CDH13: variants seen among roughly 807,000 people sequenced by gnomAD.
The protein encoded by CDH13 is cadherin-13.
Under a neutral mutation model 63.8 loss-of-function variants are expected in CDH13, and 24 were observed. That is an observed-to-expected ratio of 0.38 (90% CI 0.27 to 0.53). The LOEUF is 0.53. CDH13 is among the 20% of genes least tolerant of loss of function. CDH13 has a pLI of 0.85. For synonymous variants in CDH13, 503 were observed against 355.3 expected (o/e 1.42, Z -4.67); for missense variants, 1,049 against 903.1 (o/e 1.16, Z -2.07).
chr16:83,558,224 C>T (rs1023890898), intron 7 of CDH13, among the ~76,000 whole-genome samples: 1 of 152,132 alleles, frequency 6.6e-6, no homozygotes, highest in Non-Finnish European at 1.5e-5. Context: ...AAGAGTGAAC[C>T]TACATTGTTT....
chr16:82,626,991 C>CGAGGCAG lies in CDH13; in HGVS notation c.-101_-95dup. ...TCTATTTGGGAAGTTGGCTGGCTGGCGAGGCAGAGCCTCTCCTCAAAGCCT... is the reference window on the plus strand; with the variant it reads ...TCTATTTGGGAAGTTGGCTGGCTGGCGAGGCAGGAGGCAGAGCCTCTCCTCAAAGCCT... On this transcript the variant is annotated 5_prime_UTR_variant, in exon 1 of 14. Transcript: ENST00000567109. 1 of 1,366,208 alleles carries CGAGGCAG rather than the reference C, an allele frequency of 7.3e-7. No individual in the cohort carries two copies. The highest frequency in any genetic ancestry group is 1.0e-6 in the Non-Finnish European group (1 of 978,646). The allele number at this position is 1,366,208 out of a possible 1,614,324, so 84.6% of individuals were successfully genotyped here.
chr16:82,718,835 G>A (rs185751146), intron 1 of CDH13, among the ~76,000 whole-genome samples: 3 of 152,260 alleles, frequency 2.0e-5, no homozygotes, highest in Admixed American at 2.0e-4. Context: ...TGGGAATTAT[G>A]GGAGCTACAA....
intron 8 of CDH13, among the ~76,000 whole-genome samples, chr16:83,669,081 C>G (rs1262674475): frequency 2.0e-5 from 3 of 152,166 alleles, no homozygotes; most frequent in African/African-American, 7.2e-5. Flanking sequence ...TACCCCAGAG[C>G]CTGGGGAATC....
chr16:82,864,178 T>C (rs1439921700), intron 2 of CDH13, among the ~76,000 whole-genome samples: 1 of 152,228 alleles, frequency 6.6e-6, no homozygotes, highest in Non-Finnish European at 1.5e-5. Flanking sequence ...ACTTTTCTGA[T>C]ACTTTTCTGA....
intron 6 of CDH13, among the ~76,000 whole-genome samples, chr16:83,403,569 C>A (rs1177250312): frequency 6.6e-6 from 1 of 151,976 alleles, no homozygotes; most frequent in Non-Finnish European, 1.5e-5. Flanking sequence ...CTTGCAGTGA[C>A]CCGAGATGGC....
chr16:83,033,800 G>C (rs1318659946), intron 3 of CDH13, among the ~76,000 whole-genome samples: 1 of 152,224 alleles, frequency 6.6e-6, no homozygotes, highest in Non-Finnish European at 1.5e-5. Context: ...AGGAGGGCAA[G>C]ACACACAGCA....
chr16:83,386,021 G>C (rs908935733), intron 6 of CDH13, among the ~76,000 whole-genome samples: 11 of 152,136 alleles, frequency 7.2e-5, no homozygotes, highest in Non-Finnish European at 1.5e-4. Context: ...ATGGGTGCTT[G>C]GACAAACACT....
At position 83,678,319 on chromosome 16, in the gene CDH13, A is replaced by T; in HGVS notation, c.1396A>T (p.Ile466Phe). The stretch of plus-strand genomic sequence containing the variant: ...CCCCAGCTCCACAGCCACCGTCCAC[A>T]TCACTGTCCTGGATGTCAACGAGGG... ...YGPSSTATVH[I>F]TVLDVNEGPV... is the part of the protein sequence containing the mutation. The change falls in exon 10 of 14, where the codon ATC (isoleucine) becomes TTC (phenylalanine). Residue 466 changes from isoleucine (I) to phenylalanine (F), a missense_variant. Transcript: ENST00000567109. 6.2e-7 allele frequency: 1 copy of T among 1,613,956 alleles called. No homozygotes were observed. Among genetic ancestry groups the T allele is most frequent in the South Asian group, 1.1e-5 (1 of 91,076 alleles).
chr16:82,820,083 C>T (rs1417250464), intron 1 of CDH13, among the ~76,000 whole-genome samples: 1 of 152,156 alleles, frequency 6.6e-6, no homozygotes, highest in Non-Finnish European at 1.5e-5. Flanking sequence ...TGTGAACACT[C>T]ACCAGCATCT....
chr16:82,638,263 G>T (rs1908931706), intron 1 of CDH13, among the ~76,000 whole-genome samples: 1 of 152,178 alleles, frequency 6.6e-6, no homozygotes, highest in African/African-American at 2.4e-5. Context: ...GGGCTGGCCT[G>T]GACCCAGAGC....
intron 2 of CDH13, among the ~76,000 whole-genome samples, chr16:82,983,743 A>G (rs1429229687): frequency 3.9e-5 from 6 of 152,150 alleles, no homozygotes; most frequent in African/African-American, 1.4e-4. Context: ...ACACAAATAT[A>G]TATGCCTGCT....
At chr16:83,589,174 C>T (rs970686962) in intron 7 of CDH13, among the ~76,000 whole-genome samples, 1 of 151,914 alleles carries the variant, frequency 6.6e-6, no homozygotes, top group Admixed American at 6.6e-5. Context: ...TGGCTCATAG[C>T]CTCTTCCTCC....
At chr16:82,864,954 A>C (rs754624012) in intron 2 of CDH13, among the ~76,000 whole-genome samples, 4 of 152,208 alleles carry the variant, frequency 2.6e-5, no homozygotes, top group African/African-American at 9.6e-5. Flanking sequence ...CAAATGGGAA[A>C]AATTGGCCAA....
intron 4 of CDH13, among the ~76,000 whole-genome samples, chr16:83,147,554 C>G (rs1424466662): frequency 1.3e-5 from 2 of 152,194 alleles, no homozygotes; most frequent in African/African-American, 4.8e-5. Context: ...CACAGCTGTC[C>G]TGTTATTTGT....
At chr16:82,732,593 T>C (rs1205441785) in intron 1 of CDH13, among the ~76,000 whole-genome samples, 1 of 152,246 alleles carries the variant, frequency 6.6e-6, no homozygotes, top group African/African-American at 2.4e-5. Flanking sequence ...ATCCCTCTTA[T>C]TCTTGCTCAA....
intron 6 of CDH13, among the ~76,000 whole-genome samples, chr16:83,401,659 C>CAA (rs60316291): frequency 2.0e-4 from 30 of 151,120 alleles, no homozygotes; most frequent in African/African-American, 6.1e-4. Context: ...ATTTTATGGA[C>CAA]AAAAAAAAGA....
At chr16:82,785,695 T>C (rs2035969746) in intron 1 of CDH13, among the ~76,000 whole-genome samples, 1 of 152,248 alleles carries the variant, frequency 6.6e-6, no homozygotes, top group Admixed American at 6.5e-5. Context: ...CTTTCCTTTC[T>C]TTTAGAAAAC....
intron 6 of CDH13, chr16:83,396,513 T>G (rs1425868179): frequency 6.6e-6 from 1 of 152,302 alleles, no homozygotes; most frequent in South Asian, 2.1e-4. Flanking sequence ...TCCTCTTTTT[T>G]GTATCATAAT....
chr16:82,814,090 A>C (rs1051115308), intron 1 of CDH13, among the ~76,000 whole-genome samples: 3 of 152,122 alleles, frequency 2.0e-5, no homozygotes, highest in Admixed American at 1.3e-4. Flanking sequence ...GATATACCAA[A>C]GTGCCTGGCT....
Sources: gnomAD v4.1 joint callset for allele counts (sites outside exome capture counted in the v4.1 genomes callset) on GRCh38, gnomAD v4.1.1 for gene constraint, MANE v1.5 for transcripts, NCBI Gene and HGNC (gene_info 2026-07-23, HGNC 2026-07-21) for gene names.